The following DPP10 variants were observed in gnomAD, a reference collection of about 807,000 sequenced individuals.
The protein encoded by DPP10 is dipeptidyl peptidase like 10, also known as inactive dipeptidyl peptidase 10.
DPP10 carries 33 observed loss-of-function variants against 120.9 expected under a neutral mutation model. That is an observed-to-expected ratio of 0.27 (90% confidence interval 0.21 to 0.37). DPP10 has a LOEUF of 0.37. Ranked by LOEUF, DPP10 falls within the 10% of genes least tolerant of loss-of-function variation. The probability of loss-of-function intolerance (pLI) is 1.00; values close to 1 mark genes in which losing one functional copy is unlikely to be tolerated. For missense variants in DPP10, 816 were observed against 942.8 expected (o/e 0.87, Z 1.76); for synonymous variants, 337 against 326.1 (o/e 1.03, Z -0.36).
intron 5 of DPP10, among the ~76,000 whole-genome samples, chr2:115,651,290 T>C (rs2087748271): frequency 6.6e-6 from 1 of 152,066 alleles, no homozygotes; most frequent in African/African-American, 2.4e-5. Context: ...TAAATTAGTC[T>C]TTCTAGTTGG....
intron 1 of DPP10, among the ~76,000 whole-genome samples, chr2:115,244,708 G>A (rs1168931061): frequency 6.6e-6 from 1 of 151,470 alleles, no homozygotes; most frequent in Non-Finnish European, 1.5e-5. Context: ...TAAAATTAAA[G>A]CATCAGCATA....
chr2:114,497,257 GTGTGTATACATGTACATGTATA>G (rs1682655822), intron 1 of DPP10, among the ~76,000 whole-genome samples: 2 of 102,708 alleles, frequency 1.9e-5, no homozygotes, highest in Admixed American at 1.8e-4. Flanking sequence ...ATGCATGTAC[GTGTGTATACATGTACATGTATA>G]CGTGTATACA....
In DPP10 at chr2:114,724,233, C is replaced by T. The variant is rs919118730; in HGVS notation, c.60+281395C>T. Among the ~76,000 whole-genome samples, 94 of 152,190 alleles carry T rather than the reference C, an allele frequency of 6.2e-4. 1 individual carries two copies. Among genetic ancestry groups the T allele is most frequent in the Admixed American group, 6.2e-3 (94 of 15,282 alleles). On this transcript the variant is annotated intron_variant, in intron 1 of 25. Transcript: ENST00000410059. ...GATTACCTCTTGAAGCCACTTGCTC[C>T]ATAGGCTCTAGATTAACTGATGCCA...
intron 1 of DPP10, among the ~76,000 whole-genome samples, chr2:115,048,116 A>G (rs1310839503): frequency 6.6e-6 from 1 of 152,124 alleles, no homozygotes; most frequent in Non-Finnish European, 1.5e-5. Context: ...ATTGTCCATT[A>G]TATTGGATAC....
At chr2:115,233,842 G>T (rs1574102077) in intron 1 of DPP10, 1 of 467,856 alleles carries the variant, frequency 2.1e-6, no homozygotes, top group African/African-American at 2.0e-5. Context: ...GTGGGATGCA[G>T]GCTTTTCCCC....
At chr2:115,666,063 G>A (rs995002946) in intron 5 of DPP10, among the ~76,000 whole-genome samples, 2 of 151,964 alleles carry the variant, frequency 1.3e-5, no homozygotes, top group African/African-American at 4.8e-5. Context: ...CCACCCTCAA[G>A]TAGACCTTGG....
chr2:115,401,829 C>T (rs1461249019), intron 3 of DPP10, among the ~76,000 whole-genome samples: 1 of 151,230 alleles, frequency 6.6e-6, no homozygotes, highest in African/African-American at 2.4e-5. Flanking sequence ...AAAGTGTGAC[C>T]AATACTCAAA....
At chr2:115,157,352 T>C (rs906261215) in intron 1 of DPP10, among the ~76,000 whole-genome samples, 4 of 151,968 alleles carry the variant, frequency 2.6e-5, no homozygotes, top group African/African-American at 9.7e-5. Context: ...TCTCAGGATA[T>C]TGCAACTCTG....
At chr2:115,179,460 A>G (rs1295675810) in intron 1 of DPP10, among the ~76,000 whole-genome samples, 1 of 152,150 alleles carries the variant, frequency 6.6e-6, no homozygotes, top group Non-Finnish European at 1.5e-5. Flanking sequence ...GGATAAGCAT[A>G]ATTTGAGAAA....
chr2:115,724,250 G>A (rs923419911), intron 7 of DPP10, among the ~76,000 whole-genome samples: 3 of 152,172 alleles, frequency 2.0e-5, no homozygotes, highest in Admixed American at 2.0e-4. Context: ...TTGTATGTCA[G>A]TGTGGAGAGA....
At chr2:115,820,039 T>C (rs1473974383) in intron 21 of DPP10, among the ~76,000 whole-genome samples, 3 of 152,222 alleles carry the variant, frequency 2.0e-5, no homozygotes, top group Non-Finnish European at 2.9e-5. Context: ...TTAAAAATCC[T>C]TTTGAGATGC....
At chr2:115,619,480 C>T (rs984766070) in intron 5 of DPP10, among the ~76,000 whole-genome samples, 2 of 152,182 alleles carry the variant, frequency 1.3e-5, no homozygotes, top group Non-Finnish European at 2.9e-5. Context: ...CTTCGCATGA[C>T]ATTGCCTTTA....
At chr2:115,421,357 A>T (rs139206738) in intron 3 of DPP10, among the ~76,000 whole-genome samples, 1 of 152,304 alleles carries the variant, frequency 6.6e-6, no homozygotes, top group East Asian at 1.9e-4. Context: ...GTGGAAACAA[A>T]TAAATGTATG....
chr2:114,868,211 T>A (rs1690393466), intron 1 of DPP10, among the ~76,000 whole-genome samples: 1 of 152,196 alleles, frequency 6.6e-6, no homozygotes, highest in African/African-American at 2.4e-5. Context: ...ACTAAGACCA[T>A]ATAGGCTGAA....
chr2:115,287,672 C>T (rs907483874), intron 1 of DPP10, among the ~76,000 whole-genome samples: 2 of 152,056 alleles, frequency 1.3e-5, no homozygotes, highest in African/African-American at 2.4e-5. Context: ...TCCGTGGACT[C>T]ATTTGTCAGT....
At chr2:114,866,041 G>A (rs576091894) in intron 1 of DPP10, among the ~76,000 whole-genome samples, 121 of 152,020 alleles carry the variant, frequency 8.0e-4, no homozygotes, top group African/African-American at 2.8e-3. Flanking sequence ...GAACCTGGGG[G>A]GCGGAGGTTG....
At chr2:114,450,012 T>TA (rs547234443) in intron 1 of DPP10, among the ~76,000 whole-genome samples, 3 of 151,952 alleles carry the variant, frequency 2.0e-5, no homozygotes, top group African/African-American at 7.3e-5. Flanking sequence ...ATTAATTCAG[T>TA]AAAAAAATGC....
At chr2:115,513,625 AT>A (rs1239090330) in intron 4 of DPP10, among the ~76,000 whole-genome samples, 1 of 151,960 alleles carries the variant, frequency 6.6e-6, no homozygotes. Flanking sequence ...TACTAATTTA[AT>A]TTCAATGGCA....
At chr2:115,397,668 G>A (rs1170154917) in intron 3 of DPP10, among the ~76,000 whole-genome samples, 1 of 152,192 alleles carries the variant, frequency 6.6e-6, no homozygotes, top group East Asian at 1.9e-4. Flanking sequence ...TGTTGTCACT[G>A]CTGCTCATCT....
Sources: allele counts gnomAD v4.1 joint callset (sites outside exome capture counted in the v4.1 genomes callset), GRCh38; gene constraint gnomAD v4.1.1; transcripts MANE v1.5; gene names NCBI Gene and HGNC (gene_info 2026-07-23, HGNC 2026-07-21).